Variants in PTGFRN observed in about 807,000 individuals in gnomAD.
The protein encoded by PTGFRN is prostaglandin F2 receptor negative regulator.
A neutral mutation model predicts 83.2 loss-of-function variants in PTGFRN; 35 were observed. The ratio of observed to expected loss-of-function variants is 0.42; its 90% CI spans 0.32 to 0.56. The LOEUF (loss-of-function observed/expected upper bound fraction) is 0.56. Among genes scored for constraint, PTGFRN ranks in the 20% least tolerant of loss-of-function variants. PTGFRN has a pLI of 0.11. For missense variants in PTGFRN, 1,051 were observed against 1,179.5 expected (o/e 0.89, Z 1.60); for synonymous variants, 519 against 498.6 (o/e 1.04, Z -0.55).
At position 116,988,091 on chromosome 1, in the gene PTGFRN, C is replaced by G. The variant is rs912930643; in HGVS notation, c.*1124C>G. 6.6e-6 allele frequency: 1 copy of G among 152,216 alleles called. No homozygotes were observed. Among genetic ancestry groups the G allele is most frequent in the African/African-American group, 2.4e-5 (1 of 41,444 alleles). The allele number at this position is 152,216 out of a possible 1,614,324, so 9.4% of individuals were successfully genotyped here. On this transcript the variant is annotated 3_prime_UTR_variant, in exon 9 of 9. Coordinates refer to ENST00000393203, the MANE Select transcript of PTGFRN (RefSeq NM_020440.4). ...GGCAAATTGCTACTTGCAAGACTGA[C>G]TGACTTCAAGGAATCAGAAATTACC...
At chr1:116,917,856 C>T (rs190844772) in intron 1 of PTGFRN, among the ~76,000 whole-genome samples, 171 of 152,292 alleles carry the variant, frequency 1.1e-3, no homozygotes, top group Non-Finnish European at 2.4e-4. Flanking sequence ...CTCCTGGCCT[C>T]AAGTGATCCT....
At chr1:116,916,637 C>G (rs908282795) in intron 1 of PTGFRN, among the ~76,000 whole-genome samples, 2 of 152,182 alleles carry the variant, frequency 1.3e-5, no homozygotes, top group Non-Finnish European at 2.9e-5. Flanking sequence ...CAGATACTGT[C>G]ATTTCCTGTG....
chr1:116,940,441 T>C (rs1650031472), intron 1 of PTGFRN, among the ~76,000 whole-genome samples: 1 of 152,234 alleles, frequency 6.6e-6, no homozygotes, highest in Non-Finnish European at 1.5e-5. Context: ...GATTAGGGGC[T>C]CACCCTATTC....
intron 6 of PTGFRN, among the ~76,000 whole-genome samples, chr1:116,969,794 C>T (rs1379001267): frequency 6.6e-6 from 1 of 152,086 alleles, no homozygotes. Flanking sequence ...TTTCAGTGTA[C>T]AGATCTTGTT....
At chr1:116,970,797 G>A (rs1054003629) in intron 6 of PTGFRN, among the ~76,000 whole-genome samples, 3 of 152,108 alleles carry the variant, frequency 2.0e-5, no homozygotes, top group Admixed American at 1.3e-4. Flanking sequence ...CTAAAAATCC[G>A]TGACATACCT....
intron 4 of PTGFRN, among the ~76,000 whole-genome samples, chr1:116,956,501 C>A (rs1170430902): frequency 6.6e-6 from 1 of 152,216 alleles, no homozygotes; most frequent in South Asian, 2.1e-4. Flanking sequence ...TCTCTTCAGT[C>A]ATTATTTAAA....
chr1:116,956,575 A>G lies in PTGFRN; in HGVS notation c.1214-4668A>G, dbSNP rs117232331. Among the ~76,000 whole-genome samples, 53 of 152,360 alleles carry G rather than the reference A, an allele frequency of 3.5e-4. 1 individual carries two copies. In the East Asian group the frequency reaches 0.01, roughly 29 times the overall value. On this transcript the variant is annotated intron_variant, in intron 4 of 8. Transcript: ENST00000393203. ...AGAGCAGCAGGAAGGAAGGCGGAGC[A>G]TAGGAGTAGCTAGGGAATGGTGAGA... is the stretch of plus-strand genomic sequence containing the variant.
intron 4 of PTGFRN, among the ~76,000 whole-genome samples, chr1:116,954,867 T>C (rs1210862229): frequency 6.6e-6 from 1 of 152,254 alleles, no homozygotes; most frequent in Admixed American, 6.5e-5. Context: ...TGGAGATTAA[T>C]TGAAAATGCA....
intron 1 of PTGFRN, among the ~76,000 whole-genome samples, chr1:116,935,559 A>G (rs1301417594): frequency 6.6e-6 from 1 of 152,170 alleles, no homozygotes; most frequent in African/African-American, 2.4e-5. Flanking sequence ...CTAAAAGTAG[A>G]AATCTCAATT....
At chr1:116,983,785 G>A (rs1651387347) in intron 7 of PTGFRN, among the ~76,000 whole-genome samples, 1 of 152,064 alleles carries the variant, frequency 6.6e-6, no homozygotes, top group African/African-American at 2.4e-5. Context: ...TATATAAAAC[G>A]CTTTCTCAAG....
chr1:116,986,953 A>T lies in PTGFRN; in HGVS notation c.2626A>T (p.Met876Leu), dbSNP rs1318893158. The T allele has an allele frequency of 4.3e-6, 7 of 1,614,194 alleles. No homozygotes were observed. The South Asian group carries it at 5.5e-5, about 13-fold the overall frequency. ...TRRERRRLMS[M>L]EMD ...GCGCGAGCGCCGCAGGCTCATGTCG[A>T]TGGAGATGGACTAGGCTGGCCCGGG... The change falls in exon 9 of 9, where the codon ATG (methionine) becomes TTG (leucine). Residue 876 changes from methionine (M) to leucine (L), a missense_variant. By Grantham distance (15) the Met-to-Leu change is conservative. Transcript: ENST00000393203.
chr1:116,921,791 A>C (rs1649543233), intron 1 of PTGFRN, among the ~76,000 whole-genome samples: 1 of 152,134 alleles, frequency 6.6e-6, no homozygotes, highest in Non-Finnish European at 1.5e-5. Flanking sequence ...GAGTTATTAG[A>C]TCACTGTACA....
intron 1 of PTGFRN, among the ~76,000 whole-genome samples, 192 bp downstream of exon 1, chr1:116,910,444 A>C (rs1649237505): frequency 6.7e-6 from 1 of 150,292 alleles, no homozygotes; most frequent in African/African-American, 2.4e-5. Context: ...CCTGGCGCGA[A>C]TCCGCTCGGG....
intron 1 of PTGFRN, among the ~76,000 whole-genome samples, chr1:116,932,628 T>C (rs1329941199): frequency 6.6e-6 from 1 of 151,472 alleles, no homozygotes; most frequent in Non-Finnish European, 1.5e-5. Context: ...TCTTCTATTC[T>C]CTCATCTGTC....
Position 116,967,086 on chromosome 1 carries a change from C to T in PTGFRN, c.1815C>T (p.Ile605=), listed in dbSNP as rs553099712. 14 of 1,614,230 alleles carry T rather than the reference C, an allele frequency of 8.7e-6. No homozygotes were observed. The highest frequency in any genetic ancestry group is 8.3e-5 in the Admixed American group (5 of 60,032). ...DLSSPNETKY[I]ISLDQDSVVK... ...CCAGTCCCAATGAAACGAAGTACAT[C>T]ATCTCTCTGGACCAGGATTCTGTGG... Residue 605 remains isoleucine (I), a synonymous_variant, in exon 6 of 9, where the codon ATC becomes ATT. Transcript: ENST00000393203.
chr1:116,948,415 A>G (rs1650254703), intron 3 of PTGFRN, among the ~76,000 whole-genome samples: 1 of 152,338 alleles, frequency 6.6e-6, no homozygotes, highest in Middle Eastern at 3.4e-3. Context: ...AGATAATCCA[A>G]AAATCATCGT....
In PTGFRN at chr1:116,958,578, G is replaced by T. The variant is rs1201504225; in HGVS notation, c.1214-2665G>T. On this transcript the variant is annotated intron_variant, in intron 4 of 8. Transcript: ENST00000393203. The surrounding 1 kb of genome is among the most constrained non-coding windows in gnomAD (Gnocchi z 4.9). ...TACACGTGTATGTGTATATGAATAT[G>T]TGTGTACCTGCATACACACACACAC... Among the ~76,000 whole-genome samples the T allele has an allele frequency of 6.6e-6, 1 of 152,100 alleles. No homozygotes were observed. The highest frequency in any genetic ancestry group is 1.5e-5 in the Non-Finnish European group (1 of 68,024).
chr1:116,922,012 C>G (rs777001974), intron 1 of PTGFRN, among the ~76,000 whole-genome samples: 9 of 152,226 alleles, frequency 5.9e-5, no homozygotes, highest in Non-Finnish European at 1.0e-4. Context: ...CTAACTTCAG[C>G]TGGAAAAGTA....
intron 1 of PTGFRN, among the ~76,000 whole-genome samples, chr1:116,937,130 T>C (rs6692981): frequency 0.89 from 136,001 of 152,146 alleles, 60,917 homozygotes; most frequent in East Asian, 0.95. Flanking sequence ...GTGTCCTGGG[T>C]TGAGGAAATG....
Sources: allele counts gnomAD v4.1 joint callset (sites outside exome capture counted in the v4.1 genomes callset), GRCh38; gene constraint gnomAD v4.1.1; non-coding constraint Gnocchi (gnomAD v3.1); transcripts MANE v1.5; gene names NCBI Gene and HGNC (gene_info 2026-07-23, HGNC 2026-07-21).